Variants in OR2L13 observed in about 807,000 individuals in gnomAD.
OR2L13 encodes the protein olfactory receptor 2L13.
Under a neutral mutation model 15.3 loss-of-function variants are expected in OR2L13, and 14 were observed. The ratio of observed to expected loss-of-function variants is 0.91; its 90% CI spans 0.60 to 1.43. The LOEUF is 1.43. OR2L13 is among the 40% of genes most tolerant of loss of function. The pLI is 0.00. For missense variants in OR2L13, 367 were observed against 387.9 expected, an observed-to-expected ratio of 0.95 and a Z score of 0.45; for synonymous variants, 152 against 142.9, an observed-to-expected ratio of 1.06 and a Z score of -0.45.
At chr1:248,089,544 C>T in the OR2L13 span, among the ~76,000 whole-genome samples, 7 of 152,018 alleles carry the variant, frequency 4.6e-5, no homozygotes, top group African/African-American at 1.4e-4. Context: ...ATTCCAGGCA[C>T]CTAGCTAGTC....
At chr1:248,069,928 T>A in the OR2L13 span, among the ~76,000 whole-genome samples, 1 of 152,018 alleles carries the variant, frequency 6.6e-6, no homozygotes, top group Non-Finnish European at 1.5e-5. Flanking sequence ...GAGCTAACTA[T>A]CCTAAATATA....
chr1:247,967,482 G>A, the OR2L13 span, among the ~76,000 whole-genome samples: 1 of 152,076 alleles, frequency 6.6e-6, no homozygotes, highest in Non-Finnish European at 1.5e-5. Flanking sequence ...TTCTGCCTTG[G>A]CCTCCCAAAG....
At chr1:248,018,152 CA>C in the OR2L13 span, among the ~76,000 whole-genome samples, 1 of 139,914 alleles carries the variant, frequency 7.1e-6, no homozygotes, top group African/African-American at 3.1e-5. Context: ...GACTCCATCT[CA>C]AAAAAATAAA....
At chr1:247,967,385 C>A in the OR2L13 span, among the ~76,000 whole-genome samples, 14 of 152,010 alleles carry the variant, frequency 9.2e-5, no homozygotes, top group Non-Finnish European at 1.6e-4. Flanking sequence ...CCCGCCACCA[C>A]ACCCGGCTAA....
At chr1:248,022,165 T>A in the OR2L13 span, 7 of 1,614,002 alleles carry the variant, frequency 4.3e-6, no homozygotes, top group South Asian at 1.1e-5. Flanking sequence ...CTAAATTACA[T>A]CTCTACGATT....
chr1:248,084,747 G>A, the OR2L13 span: 1 of 1,248,248 alleles, frequency 8.0e-7, no homozygotes, highest in East Asian at 2.4e-5. Context: ...AGACACAGAT[G>A]GTCTCATTCA....
the OR2L13 span, among the ~76,000 whole-genome samples, chr1:247,993,809 G>GAGAGAGAGAGAGAGAGAA: frequency 6.8e-5 from 9 of 132,976 alleles, no homozygotes; most frequent in Admixed American, 2.1e-4. Flanking sequence ...GAGAGAGAGA[G>GAGAGAGAGAGAGAGAGAA]AGAAAGAAAG....
the OR2L13 span, among the ~76,000 whole-genome samples, chr1:247,976,176 C>A: frequency 6.6e-6 from 1 of 152,052 alleles, no homozygotes; most frequent in Non-Finnish European, 1.5e-5. Context: ...ACAAGAGTTT[C>A]TTTACAAGAG....
At chr1:248,072,242 A>G in the OR2L13 span, among the ~76,000 whole-genome samples, 1 of 152,250 alleles carries the variant, frequency 6.6e-6, no homozygotes, top group Admixed American at 6.5e-5. Context: ...ACAAGGCTAC[A>G]GTAACCAAAA....
At chr1:247,999,014 C>T in the OR2L13 span, among the ~76,000 whole-genome samples, 1 of 152,036 alleles carries the variant, frequency 6.6e-6, no homozygotes, top group Admixed American at 6.5e-5. Context: ...ATGATGAGGG[C>T]AAGGGTAATG....
At chr1:248,039,395 TTTTG>T in the OR2L13 span, 15 of 419,312 alleles carry the variant, frequency 3.6e-5, no homozygotes, top group South Asian at 5.3e-5. Context: ...TCTATTTTGA[TTTTG>T]TTTGTGTGTG....
chr1:248,067,114 T>C, the OR2L13 span, among the ~76,000 whole-genome samples: 655 of 152,336 alleles, frequency 4.3e-3, 2 homozygotes, highest in African/African-American at 0.015. Flanking sequence ...TAGAGTTAAT[T>C]TCCTGATTAA....
chr1:247,977,467 T>C, the OR2L13 span, among the ~76,000 whole-genome samples: 3 of 152,222 alleles, frequency 2.0e-5, no homozygotes, highest in African/African-American at 7.2e-5. Context: ...ATGATTCCTG[T>C]AGATACTTTT....
the OR2L13 span, among the ~76,000 whole-genome samples, chr1:247,992,158 A>G: frequency 1.3e-5 from 2 of 149,408 alleles, no homozygotes; most frequent in Admixed American, 6.6e-5. Flanking sequence ...GAAGATCTTC[A>G]TGACAAACCA....
chr1:247,966,825 T>A, the OR2L13 span, among the ~76,000 whole-genome samples: 1 of 152,192 alleles, frequency 6.6e-6, no homozygotes, highest in African/African-American at 2.4e-5. Context: ...AATCCAGTGA[T>A]TGAAATTTAT....
the OR2L13 span, among the ~76,000 whole-genome samples, chr1:247,969,004 C>G: frequency 0.018 from 2,691 of 152,262 alleles, 72 homozygotes; most frequent in African/African-American, 0.061. Flanking sequence ...TCTCCAACAT[C>G]TGTTGTTTCC....
chr1:248,060,551 AG>A, the OR2L13 span: 1 of 708,564 alleles, frequency 1.4e-6, no homozygotes. Flanking sequence ...TAGTGTATAT[AG>A]GGCTCAGTGT....
the OR2L13 span, among the ~76,000 whole-genome samples, chr1:248,033,824 A>G: frequency 6.6e-6 from 1 of 152,128 alleles, no homozygotes. Context: ...TGGAAGTGGA[A>G]AAATTCAAGG....
chr1:248,018,246 C>T, the OR2L13 span, among the ~76,000 whole-genome samples: 1 of 152,036 alleles, frequency 6.6e-6, no homozygotes, highest in Admixed American at 6.5e-5. Context: ...GATGTGCCGT[C>T]TATTATTCTG....
Sources: gnomAD v4.1 joint callset for allele counts (sites outside exome capture counted in the v4.1 genomes callset) on GRCh38, gnomAD v4.1.1 for gene constraint, MANE v1.5 for transcripts, NCBI Gene and HGNC (gene_info 2026-07-23, HGNC 2026-07-21) for gene names.